Variants in ENTPD1 observed in about 807,000 individuals in gnomAD.
The protein encoded by ENTPD1 is ATP diphosphohydrolase.
Under a neutral mutation model 57.0 loss-of-function variants are expected in ENTPD1, and 33 were observed. The ratio of observed to expected loss-of-function variants is 0.58; its 90% CI spans 0.44 to 0.77. ENTPD1 has a LOEUF of 0.77. Among genes scored for constraint, ENTPD1 ranks in the 30% least tolerant of loss-of-function variants. ENTPD1 has a pLI of 0.00. For synonymous variants in ENTPD1, 202 were observed against 218.8 expected (o/e 0.92, Z 0.68); for missense variants, 501 against 603.4 (o/e 0.83, Z 1.78).
At chr10:95,773,077 A>G (rs754643570) in intron 1 of ENTPD1, among the ~76,000 whole-genome samples, 119 of 151,990 alleles carry the variant, frequency 7.8e-4, no homozygotes, top group Middle Eastern at 3.4e-3. Flanking sequence ...GAAGCAAAGT[A>G]TAGAGAGGCC....
intron 1 of ENTPD1, among the ~76,000 whole-genome samples, chr10:95,811,832 T>C (rs544431842): frequency 6.6e-6 from 1 of 152,350 alleles, no homozygotes; most frequent in African/African-American, 2.4e-5. Context: ...TGATGGACTT[T>C]TAGTCATTTT....
chr10:95,814,925 T>G (rs926166364), intron 1 of ENTPD1, among the ~76,000 whole-genome samples: 10 of 152,160 alleles, frequency 6.6e-5, no homozygotes, highest in African/African-American at 2.4e-4. Context: ...CAACCCAATG[T>G]CCATCTCATT....
the ENTPD1 span, among the ~76,000 whole-genome samples, chr10:95,703,037 G>A: frequency 5.9e-5 from 9 of 151,850 alleles, no homozygotes; most frequent in South Asian, 2.1e-4. Context: ...CACCCGCCTC[G>A]GGCTCCCAAA....
the ENTPD1 span, among the ~76,000 whole-genome samples, chr10:95,701,597 G>A: frequency 6.6e-6 from 1 of 152,136 alleles, no homozygotes; most frequent in Non-Finnish European, 1.5e-5. Context: ...TATAGATGGT[G>A]TAGAACTTGA....
chr10:95,760,211 G>A (rs908768682), intron 1 of ENTPD1, among the ~76,000 whole-genome samples: 7 of 152,214 alleles, frequency 4.6e-5, no homozygotes, highest in African/African-American at 2.4e-5. Context: ...AAAGTGCCAT[G>A]AGAAGCAGAA....
chr10:95,718,850 C>G lies in ENTPD1; in HGVS notation c.37+6857C>G, dbSNP rs1016586654. ...GTTAAGGGAACCTCTAGAAGGTCCC[C>G]TCGAGTGGCATAGGTTTGAGCAATC... On this transcript the variant is annotated intron_variant, in intron 1 of 9. Coordinates refer to the ENTPD1 transcript ENST00000453258. 2.0e-5 allele frequency among the ~76,000 whole-genome samples: 3 copies of G among 152,308 alleles called. No homozygotes were observed. In the East Asian group the frequency reaches 5.8e-4, roughly 29 times the overall value.
chr10:95,796,053 C>A (rs1460368308), intron 1 of ENTPD1, among the ~76,000 whole-genome samples: 1 of 152,154 alleles, frequency 6.6e-6, no homozygotes, highest in African/African-American at 2.4e-5. Context: ...ATAGTGAGAA[C>A]CATGGAATTG....
chr10:95,791,831 C>G lies in ENTPD1; in HGVS notation c.17-31406C>G, dbSNP rs1316050843. Among the ~76,000 whole-genome samples the G allele has an allele frequency of 6.6e-6, 1 of 152,078 alleles. No individual in the cohort carries two copies. Among genetic ancestry groups the G allele is most frequent in the Non-Finnish European group, 1.5e-5 (1 of 68,010 alleles). On this transcript the variant is annotated intron_variant, in intron 1 of 9. Transcript: ENST00000371205. The surrounding 1 kb of genome is among the most constrained non-coding windows in gnomAD (Gnocchi z 4.1). ...GACTACAGAAAGTCCCCAGGGAACT[C>G]TGGAGTGTGTGAACTCTAAGGATCC... is the stretch of plus-strand genomic sequence containing the variant.
intron 1 of ENTPD1, among the ~76,000 whole-genome samples, chr10:95,748,069 T>C (rs1230565025): frequency 6.6e-6 from 1 of 152,052 alleles, no homozygotes; most frequent in Non-Finnish European, 1.5e-5. Context: ...GAGACGGAAT[T>C]TCACTGTGTT....
the ENTPD1 span, among the ~76,000 whole-genome samples, chr10:95,705,493 TG>T: frequency 1.2e-4 from 18 of 151,868 alleles, no homozygotes; most frequent in African/African-American, 2.4e-4. Flanking sequence ...CAATTTTTTT[TG>T]TTGTTGTTGT....
chr10:95,768,876 A>G (rs1290699717), intron 1 of ENTPD1, among the ~76,000 whole-genome samples: 1 of 152,196 alleles, frequency 6.6e-6, no homozygotes, highest in Non-Finnish European at 1.5e-5. Context: ...GTATGTATGT[A>G]TGGATGAATG....
intron 2 of ENTPD1, among the ~76,000 whole-genome samples, chr10:95,838,495 TACAC>T (rs958033054): frequency 1.3e-5 from 2 of 152,226 alleles, no homozygotes; most frequent in African/African-American, 4.8e-5. Flanking sequence ...GAACTACTGA[TACAC>T]ACAGTTTGAG....
At chr10:95,694,818 C>T in the ENTPD1 span, among the ~76,000 whole-genome samples, 1 of 151,626 alleles carries the variant, frequency 6.6e-6, no homozygotes, top group African/African-American at 2.4e-5. Flanking sequence ...ACCGTAGCTG[C>T]ACTGTCCAGC....
rs112601903 is a variant in ENTPD1 at position 95,744,536 on chromosome 10, G to C, written c.37+32543G>C. Among the ~76,000 whole-genome samples the C allele has an allele frequency of 3.6e-3, 541 of 151,760 alleles. 6 individuals are homozygous for C. Among genetic ancestry groups the C allele is most frequent in the African/African-American group, 0.011 (452 of 41,344 alleles). Reference sequence around the variant, plus strand: ...CTTGGGAGGCTGAGGCACAAGAGTTGCTTGAACCAGGGAGGCAGAGGTTGC... The same window carrying C: ...CTTGGGAGGCTGAGGCACAAGAGTTCCTTGAACCAGGGAGGCAGAGGTTGC... On this transcript the variant is annotated intron_variant, in intron 1 of 9. Coordinates refer to the ENTPD1 transcript ENST00000453258.
the ENTPD1 span, among the ~76,000 whole-genome samples, chr10:95,704,491 C>T: frequency 6.6e-5 from 10 of 152,232 alleles, no homozygotes; most frequent in Non-Finnish European, 1.3e-4. Context: ...AAAAGACCCA[C>T]ACATATGTAG....
chr10:95,859,697 T>C (rs2098461973), intron 7 of ENTPD1, among the ~76,000 whole-genome samples: 1 of 152,172 alleles, frequency 6.6e-6, no homozygotes, highest in Non-Finnish European at 1.5e-5. Flanking sequence ...TTATGCTCTA[T>C]TAAAAGAGTA....
chr10:95,830,631 T>C (rs753839778), intron 2 of ENTPD1, among the ~76,000 whole-genome samples: 1 of 151,978 alleles, frequency 6.6e-6, no homozygotes, highest in African/African-American at 2.4e-5. Context: ...CATGGTGAAC[T>C]GTCTCTACTA....
chr10:95,760,971 A>C (rs1245303725), intron 1 of ENTPD1, among the ~76,000 whole-genome samples: 1 of 151,462 alleles, frequency 6.6e-6, no homozygotes, highest in Non-Finnish European at 1.5e-5. Context: ...CTGGGACTAC[A>C]GGCGCCTGCC....
chr10:95,864,596 A>C (rs900942617), intron 8 of ENTPD1, 128 bp from the exon 9 acceptor site: 18 of 1,292,344 alleles, frequency 1.4e-5, no homozygotes, highest in African/African-American at 1.2e-4. Context: ...ACCCTCTGGA[A>C]GAGGCCAACC....
Sources: gnomAD v4.1 joint callset for allele counts (sites outside exome capture counted in the v4.1 genomes callset) on GRCh38, gnomAD v4.1.1 for gene constraint, Gnocchi (gnomAD v3.1) non-coding constraint, MANE v1.5 for transcripts, NCBI Gene and HGNC (gene_info 2026-07-23, HGNC 2026-07-21) for gene names.